GYS2: variants seen among roughly 807,000 people sequenced by gnomAD.
The protein encoded by GYS2 is glycogen synthase 2.
Under a neutral mutation model 85.6 loss-of-function variants are expected in GYS2, and 80 were observed. The ratio of observed to expected loss-of-function variants is 0.93; its 90% CI spans 0.78 to 1.13. GYS2 has a LOEUF of 1.13. Among genes scored for constraint, GYS2 ranks in the 50% most tolerant of loss-of-function variants. The probability of loss-of-function intolerance (pLI) is 0.00; values close to 1 mark genes in which losing one functional copy is unlikely to be tolerated. For synonymous variants in GYS2, 328 were observed against 300.7 expected, an observed-to-expected ratio of 1.09 and a Z score of -0.94; for missense variants, 881 against 854.9, an observed-to-expected ratio of 1.03 and a Z score of -0.38.
At chr12:21,588,714 G>C (rs747992467) in intron 1 of GYS2, among the ~76,000 whole-genome samples, 1 of 152,156 alleles carries the variant, frequency 6.6e-6, no homozygotes, top group Non-Finnish European at 1.5e-5. Flanking sequence ...TTCTAGACTG[G>C]ACAAGAACAG....
intron 11 of GYS2, among the ~76,000 whole-genome samples, chr12:21,547,456 T>C (rs1449168342): frequency 6.6e-6 from 1 of 152,102 alleles, no homozygotes; most frequent in African/African-American, 2.4e-5. Flanking sequence ...AAATGAGCTA[T>C]CAAGCCATGA....
chr12:21,563,381 C>T (rs779215779), intron 5 of GYS2, 36 bp from the exon 6 acceptor site: 23 of 1,066,014 alleles, frequency 2.2e-5, no homozygotes, highest in Non-Finnish European at 3.2e-5. Context: ...TGAAAATTCT[C>T]TTTTCAAAGA....
chr12:21,579,999 A>T (rs1233858784), intron 2 of GYS2, among the ~76,000 whole-genome samples: 1 of 152,228 alleles, frequency 6.6e-6, no homozygotes, highest in Admixed American at 6.5e-5. Context: ...TAACATGCTG[A>T]CATTCCACAA....
chr12:21,575,581 A>G (rs894827273), intron 3 of GYS2, among the ~76,000 whole-genome samples: 1 of 151,994 alleles, frequency 6.6e-6, no homozygotes, highest in South Asian at 2.1e-4. Flanking sequence ...TCTTATATAT[A>G]TATATTAAGT....
chr12:21,571,889 G>A (rs889628113), intron 4 of GYS2, among the ~76,000 whole-genome samples: 4 of 151,588 alleles, frequency 2.6e-5, no homozygotes, highest in South Asian at 2.1e-4. Context: ...TTGAACCCGG[G>A]AGGTGGAGGT....
In GYS2 at chr12:21,574,196, A is replaced by G. The variant is rs1944418213; in HGVS notation, c.626T>C (p.Leu209Pro). The G allele has an allele frequency of 1.9e-6, 3 of 1,612,892 alleles. No homozygotes were observed. Among genetic ancestry groups the G allele is most frequent in the Non-Finnish European group, 2.5e-6 (3 of 1,178,978 alleles). Reference sequence around the variant, plus strand: ...ATTTGCTGCACAGAGATACCTCCCAAGTAGTGTAGCGTGGGTTGTAAATAT... The same window carrying G: ...ATTTGCTGCACAGAGATACCTCCCAGGTAGTGTAGCGTGGGTTGTAAATAT... ...ATIFTTHATL[L>P]GRYLCAANID... Residue 209 changes from leucine (L) to proline (P), a missense_variant, in exon 4 of 16, where the codon CTT becomes CCT. Coordinates refer to ENST00000261195, the MANE Select transcript of GYS2 (RefSeq NM_021957.4).
intron 1 of GYS2, among the ~76,000 whole-genome samples, chr12:21,584,346 A>G (rs1199498507): frequency 6.6e-6 from 1 of 150,988 alleles, no homozygotes; most frequent in Non-Finnish European, 1.5e-5. Context: ...TTAGTCAAAA[A>G]CTACAAAGAT....
intron 1 of GYS2, among the ~76,000 whole-genome samples, chr12:21,584,482 C>T (rs899501394): frequency 1.5e-4 from 22 of 149,900 alleles, no homozygotes; most frequent in African/African-American, 3.9e-4. Context: ...CTCATGTCAT[C>T]GTCCAATGGA....
chr12:21,573,740 C>T (rs1415930321), intron 4 of GYS2, among the ~76,000 whole-genome samples: 1 of 152,200 alleles, frequency 6.6e-6, no homozygotes, highest in African/African-American at 2.4e-5. Context: ...AAGTAAGTCT[C>T]ATAGTGCAAG....
At chr12:21,588,716 C>T (rs1291213860) in intron 1 of GYS2, among the ~76,000 whole-genome samples, 1 of 152,156 alleles carries the variant, frequency 6.6e-6, no homozygotes, top group Non-Finnish European at 1.5e-5. Flanking sequence ...CTAGACTGGA[C>T]AAGAACAGAC....
chr12:21,580,534 G>GA lies in GYS2; in HGVS notation c.122-12dup. On this transcript the variant is annotated splice_polypyrimidine_tract_variant and intron_variant, in intron 1 of 15. Transcript: ENST00000261195. ...TATAGATGCCTCCAACTGTTAAAAG[G>GA]AAAAAAGTTTCTATTATCATTCAGG... is the stretch of plus-strand genomic sequence containing the variant. The GA allele has an allele frequency of 6.2e-7, 1 of 1,606,668 alleles. No individual in the cohort carries two copies. The highest frequency in any genetic ancestry group is 8.5e-7 in the Non-Finnish European group (1 of 1,174,582).
Position 21,546,477 on chromosome 12 carries a change from A to G in GYS2, c.1423-7T>C, listed in dbSNP as rs760372670. ...ACTCTGGGTGCAAAATCACCTAAAA[A>G]AGGAAAATTCTAATTTAAAAAAAAA... On this transcript the variant is annotated splice_polypyrimidine_tract_variant and splice_region_variant and intron_variant, in intron 11 of 15. Coordinates refer to ENST00000261195, the MANE Select transcript of GYS2 (RefSeq NM_021957.4). 5 of 1,583,172 alleles carry G rather than the reference A, an allele frequency of 3.2e-6. No individual in the cohort carries two copies. The South Asian group carries it at 3.4e-5, about 11-fold the overall frequency.
intron 14 of GYS2, 78 bp downstream of exon 14, chr12:21,540,332 A>G: frequency 8.6e-7 from 1 of 1,167,840 alleles, no homozygotes; most frequent in Non-Finnish European, 1.3e-6. Context: ...AACTTTAGAG[A>G]TTATGACTAG....
rs752277622 is a variant in GYS2 at position 21,574,296 on chromosome 12, C to A, written c.526G>T (p.Val176Phe). 3 of 1,613,442 alleles carry A rather than the reference C, an allele frequency of 1.9e-6. No individual in the cohort carries two copies. Among genetic ancestry groups the A allele is most frequent in the Non-Finnish European group, 2.5e-6 (3 of 1,179,784 alleles). ...VTDHADGKYV[V>F]AQFHEWQAGI... ...GCCTGCCATTCATGGAATTGGGCAACGACATATTTACCATCTGCATGATCT... is the reference window on the plus strand; with the variant it reads ...GCCTGCCATTCATGGAATTGGGCAAAGACATATTTACCATCTGCATGATCT... Residue 176 changes from valine to phenylalanine, a missense_variant, in exon 4 of 16, where the codon GTT becomes TTT. Transcript: ENST00000261195.
chr12:21,539,640 A>G (rs189185389), intron 14 of GYS2, among the ~76,000 whole-genome samples: 220 of 152,328 alleles, frequency 1.4e-3, no homozygotes, highest in Non-Finnish European at 2.9e-3. Context: ...ACAGAGAAGC[A>G]GTGTGGCATG....
intron 1 of GYS2, among the ~76,000 whole-genome samples, chr12:21,588,458 CA>C (rs1944598079): frequency 6.6e-6 from 1 of 152,130 alleles, no homozygotes; most frequent in South Asian, 2.1e-4. Flanking sequence ...TATATGGTAC[CA>C]ATAGGATTCA....
chr12:21,556,330 G>A (rs139368870), intron 11 of GYS2, among the ~76,000 whole-genome samples: 218 of 152,160 alleles, frequency 1.4e-3, no homozygotes, highest in African/African-American at 5.1e-3. Context: ...CACCACACCT[G>A]GCTAATTTCT....
intron 1 of GYS2, among the ~76,000 whole-genome samples, chr12:21,590,408 C>T (rs1190328413): frequency 2.0e-5 from 3 of 152,196 alleles, no homozygotes; most frequent in African/African-American, 7.2e-5. Flanking sequence ...CTCCCAGAAG[C>T]CTGATGATGG....
At chr12:21,535,018 A>G (rs898297587), downstream of GYS2, 1 of 152,256 alleles carries the variant, frequency 6.6e-6, no homozygotes, top group Non-Finnish European at 1.5e-5. Context: ...AGAAATGACT[A>G]CAGTGGAGAG....
Sources: gnomAD v4.1 joint callset for allele counts (sites outside exome capture counted in the v4.1 genomes callset) on GRCh38, gnomAD v4.1.1 for gene constraint, MANE v1.5 for transcripts, NCBI Gene and HGNC (gene_info 2026-07-23, HGNC 2026-07-21) for gene names.